IKZF2: variants seen among roughly 807,000 people sequenced by gnomAD.
IKZF2 encodes the protein IKAROS family zinc finger 2, also known as zinc finger protein Helios.
A neutral mutation model predicts 49.2 loss-of-function variants in IKZF2; 15 were observed. The observed-to-expected ratio is 0.30, with a 90% CI of 0.20 to 0.47. The LOEUF is 0.47. Ranked by LOEUF, IKZF2 falls within the 20% of genes least tolerant of loss-of-function variation. IKZF2 has a pLI of 1.00. For synonymous variants in IKZF2, 227 were observed against 221.4 expected (o/e 1.03, Z -0.23); for missense variants, 567 against 664.6 (o/e 0.85, Z 1.61).
intron 4 of IKZF2, among the ~76,000 whole-genome samples, chr2:213,139,104 T>A (rs1019111687): frequency 6.6e-6 from 1 of 151,932 alleles, no homozygotes; most frequent in African/African-American, 2.4e-5. Flanking sequence ...ATTTTACAAA[T>A]TAAAGCAGAA....
intron 4 of IKZF2, among the ~76,000 whole-genome samples, chr2:213,121,906 G>A (rs186817651): frequency 6.6e-6 from 1 of 152,310 alleles, no homozygotes; most frequent in African/African-American, 2.4e-5. Flanking sequence ...AGGAACATGT[G>A]TCTATTTTGT....
intron 4 of IKZF2, among the ~76,000 whole-genome samples, chr2:213,063,874 A>G (rs1701930422): frequency 6.6e-6 from 1 of 152,034 alleles, no homozygotes; most frequent in Non-Finnish European, 1.5e-5. Flanking sequence ...TTCTTACGGT[A>G]GCTGTAAAAC....
rs1349820421 is a variant in IKZF2, at chr2:213,094,916, A to T, written c.140-37817T>A. Among the ~76,000 whole-genome samples the T allele has an allele frequency of 2.0e-5, 3 of 152,158 alleles. No individual in the cohort carries two copies. In the East Asian group the frequency reaches 5.8e-4, roughly 29 times the overall value. ...TCCAAGATTTCAAGTCTGAAGAACCATATAGGGGAGAGTGTTATATTAATG... is the reference window on the plus strand; with the variant it reads ...TCCAAGATTTCAAGTCTGAAGAACCTTATAGGGGAGAGTGTTATATTAATG... On this transcript the variant is annotated intron_variant, in intron 4 of 8. Coordinates refer to ENST00000434687, the MANE Select transcript of IKZF2 (RefSeq NM_001387220.1).
chr2:213,027,580 G>A (rs114574644), intron 6 of IKZF2, among the ~76,000 whole-genome samples: 1,607 of 152,026 alleles, frequency 0.011, 28 homozygotes, highest in African/African-American at 0.037. Context: ...GGTACCCTGG[G>A]TTTATTACAG....
At chr2:213,011,188 G>C (rs1335344602) in intron 8 of IKZF2, among the ~76,000 whole-genome samples, 1 of 149,438 alleles carries the variant, frequency 6.7e-6, no homozygotes, top group Non-Finnish European at 1.5e-5. Context: ...GAAATGAATA[G>C]AAAAAAAAAA....
In IKZF2 at chr2:213,007,717, A is replaced by C. The variant is rs1459895319; in HGVS notation, c.1224T>G (p.Thr408=). 1 of 1,613,582 alleles carries C rather than the reference A, an allele frequency of 6.2e-7. No individual in the cohort carries two copies. Among genetic ancestry groups the C allele is most frequent in the African/African-American group, 1.3e-5 (1 of 74,872 alleles). The change falls in exon 9 of 9, where the codon ACT becomes ACG. Residue 408 remains threonine (T), a synonymous_variant. Transcript: ENST00000434687. ...GGTCATCATGGCTGCTTTCTGAGTCAGTGGAATCCAGGCAGCTATTGCTGG... is the reference window on the plus strand; with the variant it reads ...GGTCATCATGGCTGCTTTCTGAGTCCGTGGAATCCAGGCAGCTATTGCTGG... ...ASPSNSCLDS[T]DSESSHDDHQ... is the part of the protein sequence containing the mutation.
chr2:213,117,302 T>C lies in IKZF2; in HGVS notation c.139+30406A>G, dbSNP rs564640781. Reference sequence around the variant, plus strand: ...ATTGGAACACTTATTATATGCTCCATACTTTGCTAAGAGATTTAAAAGCTT... The same window carrying C: ...ATTGGAACACTTATTATATGCTCCACACTTTGCTAAGAGATTTAAAAGCTT... On this transcript the variant is annotated intron_variant, in intron 4 of 8. Coordinates refer to ENST00000434687, the MANE Select transcript of IKZF2 (RefSeq NM_001387220.1). Among the ~76,000 whole-genome samples, 4 of 152,328 alleles carry C rather than the reference T, an allele frequency of 2.6e-5. No individual in the cohort carries two copies. In the South Asian group the frequency reaches 8.3e-4, roughly 32 times the overall value.
At chr2:213,083,237 G>C (rs1270139214) in intron 4 of IKZF2, among the ~76,000 whole-genome samples, 2 of 152,108 alleles carry the variant, frequency 1.3e-5, no homozygotes, top group East Asian at 3.9e-4. Context: ...CCAGGCCAGG[G>C]ACCAGTAGGA....
intron 6 of IKZF2, among the ~76,000 whole-genome samples, chr2:213,040,690 A>AAT (rs1258324112): frequency 2.6e-5 from 4 of 152,210 alleles, no homozygotes; most frequent in Admixed American, 6.5e-5. Context: ...TAAAAGGTGT[A>AAT]ATATATATAA....
At chr2:213,057,602 C>G (rs772663569) in intron 4 of IKZF2, among the ~76,000 whole-genome samples, 4 of 152,076 alleles carry the variant, frequency 2.6e-5, no homozygotes, top group African/African-American at 4.8e-5. Flanking sequence ...GGATCTTAAT[C>G]CAGCAAATGT....
At chr2:213,060,133 C>G (rs1169053071) in intron 4 of IKZF2, among the ~76,000 whole-genome samples, 2 of 151,232 alleles carry the variant, frequency 1.3e-5, no homozygotes, top group African/African-American at 4.8e-5. Flanking sequence ...GGTTGAAATT[C>G]TAGAATAAAA....
intron 4 of IKZF2, among the ~76,000 whole-genome samples, chr2:213,121,556 C>T (rs1372823404): frequency 6.6e-6 from 1 of 152,204 alleles, no homozygotes; most frequent in Non-Finnish European, 1.5e-5. Context: ...TTCTTTCTAA[C>T]ATTCATTGAG....
intron 4 of IKZF2, among the ~76,000 whole-genome samples, chr2:213,140,872 C>G (rs540515372): frequency 6.6e-6 from 1 of 151,930 alleles, no homozygotes; most frequent in Non-Finnish European, 1.5e-5. Context: ...TGGTATTAAA[C>G]TACTGTTAAA....
rs1695430783 is a variant in IKZF2 at position 213,007,334 on chromosome 2, AG to A, written c.*25del. ...CTTCATGTGCAGTTCTTTACTTCAT[AG>A]GGGTCCCCTTTGGAATGAAAAGGCC... On this transcript the variant is annotated 3_prime_UTR_variant, in exon 9 of 9. Coordinates refer to ENST00000434687, the MANE Select transcript of IKZF2 (RefSeq NM_001387220.1). The A allele has an allele frequency of 6.2e-7, 1 of 1,603,768 alleles. No homozygotes were observed. The highest frequency in any genetic ancestry group is 2.2e-5 in the East Asian group (1 of 44,768).
chr2:213,101,538 T>C (rs1445899222), intron 4 of IKZF2, among the ~76,000 whole-genome samples: 1 of 113,102 alleles, frequency 8.8e-6, no homozygotes, highest in African/African-American at 3.7e-5. Context: ...ACTATTAAGA[T>C]AATTCTGAGA....
chr2:213,027,345 A>C (rs762872684), intron 6 of IKZF2, among the ~76,000 whole-genome samples: 1 of 152,148 alleles, frequency 6.6e-6, no homozygotes, highest in Non-Finnish European at 1.5e-5. Flanking sequence ...AACAGTGATT[A>C]CATTTCCTTT....
intron 6 of IKZF2, among the ~76,000 whole-genome samples, chr2:213,024,797 T>C (rs1697633980): frequency 6.6e-6 from 1 of 152,084 alleles, no homozygotes; most frequent in Non-Finnish European, 1.5e-5. Flanking sequence ...CACAAGACCA[T>C]TTTCTATCCA....
intron 4 of IKZF2, among the ~76,000 whole-genome samples, chr2:213,110,452 T>G (rs1278126718): frequency 6.6e-6 from 1 of 151,912 alleles, no homozygotes; most frequent in East Asian, 1.9e-4. Context: ...CTTCCTTTTT[T>G]TTAATCTTAG....
At chr2:213,069,107 G>C (rs556931749) in intron 4 of IKZF2, among the ~76,000 whole-genome samples, 8 of 152,028 alleles carry the variant, frequency 5.3e-5, no homozygotes, top group African/African-American at 1.9e-4. Context: ...TATGGCTTGC[G>C]GCTGTTTGGG....
Sources: gnomAD v4.1 joint callset for allele counts (sites outside exome capture counted in the v4.1 genomes callset) on GRCh38, gnomAD v4.1.1 for gene constraint, MANE v1.5 for transcripts, NCBI Gene and HGNC (gene_info 2026-07-23, HGNC 2026-07-21) for gene names.